NKAIN2: variants seen among roughly 807,000 people sequenced by gnomAD.
NKAIN2 encodes the protein sodium/potassium transporting ATPase interacting 2, also known as sodium/potassium-transporting ATPase subunit beta-1-interacting protein 2.
A neutral mutation model predicts 32.6 loss-of-function variants in NKAIN2; 14 were observed. That is an observed-to-expected ratio of 0.43 (90% CI 0.28 to 0.67). The LOEUF (loss-of-function observed/expected upper bound fraction) is 0.67, where lower values mean the gene tolerates loss of function less well. NKAIN2 is among the 30% of genes least tolerant of loss of function. The pLI, the probability that NKAIN2 is intolerant of heterozygous loss-of-function variation, is 0.17. For missense variants in NKAIN2, 198 were observed against 258.3 expected (o/e 0.77, Z 1.60); for synonymous variants, 80 against 87.2 (o/e 0.92, Z 0.46).
chr6:123,867,496 A>G (rs892526370), intron 1 of NKAIN2, among the ~76,000 whole-genome samples: 3 of 152,230 alleles, frequency 2.0e-5, no homozygotes, highest in Non-Finnish European at 4.4e-5. Context: ...GTTTCCTACT[A>G]AAAATACCAT....
chr6:124,449,673 T>C (rs1776024582), intron 3 of NKAIN2, among the ~76,000 whole-genome samples: 1 of 151,916 alleles, frequency 6.6e-6, no homozygotes, highest in Non-Finnish European at 1.5e-5. Flanking sequence ...CACACACACA[T>C]ACAAACATAT....
At chr6:124,640,699 A>G (rs1783953364) in intron 3 of NKAIN2, among the ~76,000 whole-genome samples, 1 of 152,208 alleles carries the variant, frequency 6.6e-6, no homozygotes, top group Non-Finnish European at 1.5e-5. Flanking sequence ...CATTTTGCCA[A>G]ACTTAGATCC....
At chr6:123,812,239 C>T (rs952736573) in intron 1 of NKAIN2, among the ~76,000 whole-genome samples, 5 of 152,152 alleles carry the variant, frequency 3.3e-5, no homozygotes, top group African/African-American at 9.7e-5. Flanking sequence ...CAATACTTTT[C>T]AGTGAAATAT....
intron 4 of NKAIN2, among the ~76,000 whole-genome samples, chr6:124,665,356 G>A (rs80005156): frequency 0.06 from 9,079 of 152,142 alleles, 369 homozygotes; most frequent in African/African-American, 0.12. Context: ...AAATCCACAT[G>A]TAATGGTCAG....
intron 2 of NKAIN2, among the ~76,000 whole-genome samples, chr6:124,301,712 T>C (rs540896630): frequency 6.6e-6 from 1 of 152,316 alleles, no homozygotes; most frequent in Non-Finnish European, 1.5e-5. Context: ...GACTGCCTCA[T>C]TGGATTTCAG....
intron 3 of NKAIN2, among the ~76,000 whole-genome samples, chr6:124,460,975 G>A (rs1310391291): frequency 1.3e-5 from 2 of 151,144 alleles, no homozygotes; most frequent in African/African-American, 2.4e-5. Context: ...TTCTTTCTCA[G>A]TAATGTATTT....
At chr6:123,946,024 T>C (rs1220047584) in intron 1 of NKAIN2, among the ~76,000 whole-genome samples, 4 of 152,168 alleles carry the variant, frequency 2.6e-5, no homozygotes, top group Non-Finnish European at 5.9e-5. Flanking sequence ...ATTTTTATTA[T>C]GGCATTGGAG....
intron 4 of NKAIN2, among the ~76,000 whole-genome samples, chr6:124,680,623 T>C (rs992776668): frequency 1.1e-4 from 16 of 152,096 alleles, no homozygotes; most frequent in Non-Finnish European, 1.8e-4. Flanking sequence ...ATTTATTGAT[T>C]CAAATACTGT....
At chr6:124,224,515 A>G (rs1792006274) in intron 1 of NKAIN2, among the ~76,000 whole-genome samples, 1 of 152,106 alleles carries the variant, frequency 6.6e-6, no homozygotes, top group Non-Finnish European at 1.5e-5. Context: ...GCTCCCCAGA[A>G]ATAGCCTAGA....
rs527549472 is a variant in NKAIN2, at chr6:124,751,355, G to A, written c.475-39984G>A. On this transcript the variant is annotated intron_variant, in intron 4 of 6. Transcript: ENST00000368417. Reference sequence around the variant, plus strand: ...GAAATGATTTACAAATACAGGTTTTGTAAAGTAAATGCTTAAAGAAAAGGG... The same window carrying A: ...GAAATGATTTACAAATACAGGTTTTATAAAGTAAATGCTTAAAGAAAAGGG... Among the ~76,000 whole-genome samples the A allele has an allele frequency of 7.9e-5, 12 of 152,060 alleles. No individual in the cohort carries two copies. In the South Asian group the frequency reaches 2.5e-3, roughly 32 times the overall value.
chr6:124,504,489 AATAG>A (rs558881460), intron 3 of NKAIN2, among the ~76,000 whole-genome samples: 198 of 152,306 alleles, frequency 1.3e-3, no homozygotes, highest in African/African-American at 4.2e-3. Flanking sequence ...TTTGAATACA[AATAG>A]ATAGTAGAAG....
At chr6:124,384,824 T>C (rs1772822287) in intron 3 of NKAIN2, among the ~76,000 whole-genome samples, 1 of 152,128 alleles carries the variant, frequency 6.6e-6, no homozygotes, top group South Asian at 2.1e-4. Context: ...GGTTTTGCCA[T>C]GTTGCCCAGG....
chr6:124,351,873 G>A (rs951814971), intron 2 of NKAIN2, among the ~76,000 whole-genome samples: 5 of 152,000 alleles, frequency 3.3e-5, no homozygotes, highest in Non-Finnish European at 7.4e-5. Context: ...CACCCACCTC[G>A]GCCTCCCAAA....
chr6:124,149,349 C>T (rs1787581615), intron 1 of NKAIN2, among the ~76,000 whole-genome samples: 2 of 152,082 alleles, frequency 1.3e-5, no homozygotes, highest in Admixed American at 1.3e-4. Flanking sequence ...AATTAAGAAA[C>T]CATTGCCTAA....
intron 4 of NKAIN2, among the ~76,000 whole-genome samples, chr6:124,778,936 T>G (rs1779109766): frequency 6.6e-6 from 1 of 152,064 alleles, no homozygotes; most frequent in Non-Finnish European, 1.5e-5. Flanking sequence ...TTAATATATT[T>G]TTTGCTTCTC....
At chr6:124,031,750 T>C (rs975245874) in intron 1 of NKAIN2, among the ~76,000 whole-genome samples, 1 of 152,176 alleles carries the variant, frequency 6.6e-6, no homozygotes, top group Non-Finnish European at 1.5e-5. Flanking sequence ...TGAGTTCTAG[T>C]TTGATTGCAC....
intron 3 of NKAIN2, among the ~76,000 whole-genome samples, chr6:124,431,321 T>G (rs757994876): frequency 7.9e-5 from 12 of 152,034 alleles, no homozygotes; most frequent in Non-Finnish European, 1.3e-4. Flanking sequence ...TATTTTCCAC[T>G]CTCTTCAGAA....
At chr6:124,051,717 A>G (rs144696717) in intron 1 of NKAIN2, among the ~76,000 whole-genome samples, 35 of 152,152 alleles carry the variant, frequency 2.3e-4, no homozygotes, top group African/African-American at 8.2e-4. Context: ...GATGCAATGA[A>G]TGGAGTCAAA....
intron 4 of NKAIN2, among the ~76,000 whole-genome samples, chr6:124,787,728 C>G (rs1779568608): frequency 6.6e-6 from 1 of 152,060 alleles, no homozygotes; most frequent in African/African-American, 2.4e-5. Flanking sequence ...TCCTTCAGCT[C>G]ATTGTGTAGA....
Sources: allele counts gnomAD v4.1 joint callset (sites outside exome capture counted in the v4.1 genomes callset), GRCh38; gene constraint gnomAD v4.1.1; transcripts MANE v1.5; gene names NCBI Gene and HGNC (gene_info 2026-07-23, HGNC 2026-07-21).